Variants in XPR1 observed in about 807,000 individuals in gnomAD.
XPR1 encodes solute carrier family 53 member 1.
In XPR1, 28 loss-of-function variants were observed where a neutral mutation model predicts 87.5. The ratio of observed to expected loss-of-function variants is 0.32; its 90% CI spans 0.24 to 0.44. The LOEUF (loss-of-function observed/expected upper bound fraction) is 0.44, where lower values mean the gene tolerates loss of function less well. Among genes scored for constraint, XPR1 ranks in the 20% least tolerant of loss-of-function variants. The probability of loss-of-function intolerance (pLI) is 1.00; values close to 1 mark genes in which losing one functional copy is unlikely to be tolerated. For missense variants in XPR1, 559 were observed against 862.3 expected, an observed-to-expected ratio of 0.65 and a Z score of 4.41; for synonymous variants, 300 against 306.1, an observed-to-expected ratio of 0.98 and a Z score of 0.21.
At chr1:180,803,902 G>A (rs1299213384) in intron 4 of XPR1, among the ~76,000 whole-genome samples, 1 of 152,078 alleles carries the variant, frequency 6.6e-6, no homozygotes, top group Non-Finnish European at 1.5e-5. Context: ...GTTTTTAGAG[G>A]CAGCTCTGAT....
intron 1 of XPR1, among the ~76,000 whole-genome samples, chr1:180,678,574 A>G (rs1392477226): frequency 6.6e-6 from 1 of 152,256 alleles, no homozygotes; most frequent in Non-Finnish European, 1.5e-5. Context: ...GGATTTAAGC[A>G]TATGTGACAT....
chr1:180,687,689 C>T (rs947741254), intron 2 of XPR1, among the ~76,000 whole-genome samples: 5 of 151,918 alleles, frequency 3.3e-5, no homozygotes, highest in Admixed American at 2.0e-4. Flanking sequence ...TGTTTTGTTT[C>T]GTCCTTTGAG....
chr1:180,884,617 A>G lies in XPR1; in HGVS notation c.*551A>G, dbSNP rs1652949925. On this transcript the variant is annotated 3_prime_UTR_variant, in exon 15 of 15. Transcript: ENST00000367590. ...ATGAAGCTACTTTTTAATTTGATGT[A>G]ACTTTTCTTATTTTGGGAAGGGTTG... is the stretch of plus-strand genomic sequence containing the variant. 6.6e-6 allele frequency: 1 copy of G among 152,666 alleles called. No homozygotes were observed. 9.5% of individuals were successfully genotyped at this position (152,666 alleles called of 1,614,324 possible). A position where few individuals can be genotyped will look rare whatever the true frequency, so the allele number is the denominator to read the frequency against.
At chr1:180,718,280 A>G (rs1361434825) in intron 2 of XPR1, among the ~76,000 whole-genome samples, 1 of 152,210 alleles carries the variant, frequency 6.6e-6, no homozygotes, top group Admixed American at 6.5e-5. Flanking sequence ...ATGATTGAAG[A>G]AAAGTTTAAC....
chr1:180,742,207 A>G (rs764504045), intron 2 of XPR1, among the ~76,000 whole-genome samples: 3 of 151,458 alleles, frequency 2.0e-5, no homozygotes, highest in African/African-American at 7.3e-5. Flanking sequence ...TTTTGTTTAC[A>G]TTTTCTATTT....
chr1:180,719,544 A>C (rs1025921066), intron 2 of XPR1, among the ~76,000 whole-genome samples: 1 of 152,180 alleles, frequency 6.6e-6, no homozygotes, highest in Non-Finnish European at 1.5e-5. Flanking sequence ...CAATTTAAAG[A>C]TGCTATTCTG....
chr1:180,843,401 C>T (rs1651579492), intron 11 of XPR1, among the ~76,000 whole-genome samples: 2 of 151,994 alleles, frequency 1.3e-5, no homozygotes, highest in African/African-American at 4.8e-5. Flanking sequence ...TATATTTCTG[C>T]TGTAATTTCC....
chr1:180,761,850 A>C (rs905337875), intron 2 of XPR1, among the ~76,000 whole-genome samples: 4 of 152,190 alleles, frequency 2.6e-5, no homozygotes, highest in African/African-American at 9.7e-5. Context: ...TATTCACAGT[A>C]GCAAAGACTT....
intron 11 of XPR1, among the ~76,000 whole-genome samples, chr1:180,852,662 C>A (rs1651902317): frequency 6.6e-6 from 1 of 152,172 alleles, no homozygotes; most frequent in African/African-American, 2.4e-5. Flanking sequence ...AGCCCTCTCA[C>A]CTCAGCCTCC....
At chr1:180,881,057 A>G (rs913024571) in intron 14 of XPR1, among the ~76,000 whole-genome samples, 7 of 152,350 alleles carry the variant, frequency 4.6e-5, no homozygotes, top group Middle Eastern at 3.4e-3. Flanking sequence ...GCAGAAAGAA[A>G]AACCATGTGA....
At position 180,840,566 on chromosome 1, in the gene XPR1, G is replaced by GTGTATA. The variant is rs1258711178; in HGVS notation, c.1501+3851_1501+3852insGTATAT. 1.1e-3 allele frequency among the ~76,000 whole-genome samples: 148 copies of GTGTATA among 136,384 alleles called. 1 individual carries two copies. In the East Asian group the frequency reaches 0.015, roughly 14 times the overall value. The allele number at this position is 136,384 out of a possible 152,430, so 89.5% of individuals were successfully genotyped here. On this transcript the variant is annotated intron_variant, in intron 11 of 14. Coordinates refer to ENST00000367590, the MANE Select transcript of XPR1 (RefSeq NM_004736.4). The stretch of plus-strand genomic sequence containing the variant: ...TGTGTGTGTGTGTGTGTGTGTGTGT[G>GTGTATA]TATATATATATATATATATATATAA...
intron 1 of XPR1, among the ~76,000 whole-genome samples, chr1:180,665,086 TCA>T (rs760937133): frequency 6.6e-6 from 1 of 152,198 alleles, no homozygotes; most frequent in South Asian, 2.1e-4. Context: ...TTTAATTGAC[TCA>T]CAGTTTCCCA....
chr1:180,732,854 G>T (rs1658603573), intron 2 of XPR1, among the ~76,000 whole-genome samples: 1 of 152,222 alleles, frequency 6.6e-6, no homozygotes, highest in Non-Finnish European at 1.5e-5. Context: ...TCACACTTGG[G>T]CTTGGAGAAT....
intron 11 of XPR1, among the ~76,000 whole-genome samples, chr1:180,838,737 A>G (rs963256142): frequency 4.6e-5 from 7 of 152,186 alleles, no homozygotes; most frequent in East Asian, 1.9e-4. Context: ...CTATTGTGCA[A>G]TAGTCAGAAA....
chr1:180,857,155 C>CT (rs1652058881), intron 11 of XPR1, among the ~76,000 whole-genome samples: 1 of 152,132 alleles, frequency 6.6e-6, no homozygotes, highest in South Asian at 2.1e-4. Flanking sequence ...TACATATACT[C>CT]TTTCTCCACC....
intron 4 of XPR1, among the ~76,000 whole-genome samples, chr1:180,805,491 T>C (rs985043043): frequency 2.0e-5 from 3 of 152,178 alleles, no homozygotes; most frequent in Non-Finnish European, 4.4e-5. Flanking sequence ...TTCTACTTAC[T>C]CTTCTTAGCA....
At chr1:180,702,243 G>T (rs535096959) in intron 2 of XPR1, among the ~76,000 whole-genome samples, 1 of 110,696 alleles carries the variant, frequency 9.0e-6, no homozygotes, top group African/African-American at 3.6e-5. Context: ...GTAGTTGAGC[G>T]GCTTTGAGTG....
At chr1:180,709,326 A>C (rs1280091990) in intron 2 of XPR1, among the ~76,000 whole-genome samples, 1 of 152,216 alleles carries the variant, frequency 6.6e-6, no homozygotes, top group Non-Finnish European at 1.5e-5. Flanking sequence ...TATATATTTA[A>C]AGTGTGCAAT....
chr1:180,761,650 G>A (rs1571810498), intron 2 of XPR1, among the ~76,000 whole-genome samples: 4 of 152,164 alleles, frequency 2.6e-5, no homozygotes, highest in East Asian at 1.9e-4. Flanking sequence ...TGGAGAAATA[G>A]GAACACTTTT....
Sources: gnomAD v4.1 joint callset for allele counts (sites outside exome capture counted in the v4.1 genomes callset) on GRCh38, gnomAD v4.1.1 for gene constraint, MANE v1.5 for transcripts, NCBI Gene and HGNC (gene_info 2026-07-23, HGNC 2026-07-21) for gene names.